The following TNNI3K variants were observed in gnomAD, a reference collection of about 807,000 sequenced individuals.
TNNI3K encodes TNNI3 interacting kinase.
In TNNI3K, 140 loss-of-function variants were observed where a neutral mutation model predicts 114.5. The ratio of observed to expected loss-of-function variants is 1.22; its 90% CI spans 1.07 to 1.41. The LOEUF (loss-of-function observed/expected upper bound fraction) is 1.41. Ranked by LOEUF, TNNI3K falls within the 40% of genes most tolerant of loss-of-function variation. The pLI is 0.00. For synonymous variants in TNNI3K, 347 were observed against 347.5 expected (o/e 1.00, Z 0.02); for missense variants, 1,125 against 1,007.6 (o/e 1.12, Z -1.58).
chr1:74,466,709 T>G (rs1364311003), intron 21 of TNNI3K, among the ~76,000 whole-genome samples: 1 of 152,208 alleles, frequency 6.6e-6, no homozygotes, highest in East Asian at 1.9e-4. Context: ...CTTCTGTATG[T>G]GACTCACTTG....
chr1:74,478,551 T>A (rs1056661929), intron 21 of TNNI3K, among the ~76,000 whole-genome samples: 1 of 152,194 alleles, frequency 6.6e-6, no homozygotes, highest in East Asian at 1.9e-4. Flanking sequence ...ACAAATTCAA[T>A]GAAATCCTCT....
intron 5 of TNNI3K, among the ~76,000 whole-genome samples, chr1:74,327,069 G>T (rs1311193597): frequency 2.1e-5 from 3 of 143,708 alleles, no homozygotes; most frequent in African/African-American, 7.8e-5. Flanking sequence ...GACAGAGCAA[G>T]ACTCCGTGTC....
chr1:74,290,247 C>T (rs1657596660), intron 5 of TNNI3K, among the ~76,000 whole-genome samples: 3 of 150,612 alleles, frequency 2.0e-5, no homozygotes, highest in Admixed American at 2.0e-4. Flanking sequence ...TCTAAGTCCT[C>T]CCTGGAGAAT....
intron 20 of TNNI3K, among the ~76,000 whole-genome samples, chr1:74,443,322 GA>G (rs1666467169): frequency 6.6e-6 from 1 of 152,046 alleles, no homozygotes; most frequent in Non-Finnish European, 1.5e-5. Flanking sequence ...AAATGATAAA[GA>G]GGATATAATT....
chr1:74,452,706 C>A (rs1008776438), intron 20 of TNNI3K, among the ~76,000 whole-genome samples: 3 of 151,938 alleles, frequency 2.0e-5, no homozygotes, highest in Non-Finnish European at 4.4e-5. Context: ...CAGTGTTTTT[C>A]TTTTGCTCTT....
intron 21 of TNNI3K, 36 bp from the exon 22 acceptor site, chr1:74,489,153 T>C: frequency 6.3e-7 from 1 of 1,588,204 alleles, no homozygotes; most frequent in Non-Finnish European, 8.6e-7. Context: ...CTTCCTTTTA[T>C]TCTTAAGGGA....
At chr1:74,424,578 G>A (rs1308680947) in intron 17 of TNNI3K, among the ~76,000 whole-genome samples, 2 of 150,916 alleles carry the variant, frequency 1.3e-5, no homozygotes, top group Non-Finnish European at 2.9e-5. Context: ...AATTAACCAG[G>A]CATGGTGGCA....
intron 2 of TNNI3K, among the ~76,000 whole-genome samples, chr1:74,248,213 AC>A (rs1188603252): frequency 6.6e-6 from 1 of 152,032 alleles, no homozygotes; most frequent in East Asian, 1.9e-4. Flanking sequence ...TGTAGGACCC[AC>A]TAAGCCCACG....
intron 17 of TNNI3K, among the ~76,000 whole-genome samples, chr1:74,382,164 A>C (rs188151806): frequency 6.6e-6 from 1 of 152,156 alleles, no homozygotes; most frequent in Non-Finnish European, 1.5e-5. Flanking sequence ...TCATCCTATC[A>C]CACCTTTTTG....
At chr1:74,477,172 T>C (rs61140856) in intron 21 of TNNI3K, among the ~76,000 whole-genome samples, 11,358 of 152,176 alleles carry the variant, frequency 0.075, 1,005 homozygotes, top group African/African-American at 0.22. Context: ...AAAGAATATA[T>C]TAAAAAATTA....
At chr1:74,342,237 A>G (rs1410755237) in intron 7 of TNNI3K, among the ~76,000 whole-genome samples, 3 of 152,320 alleles carry the variant, frequency 2.0e-5, no homozygotes, top group African/African-American at 7.2e-5. Flanking sequence ...CTACTACTGA[A>G]TGAAGAATTG....
At chr1:74,389,115 G>T (rs1439878335) in intron 17 of TNNI3K, among the ~76,000 whole-genome samples, 1 of 152,224 alleles carries the variant, frequency 6.6e-6, no homozygotes, top group Non-Finnish European at 1.5e-5. Flanking sequence ...ATGGAGAGTG[G>T]CTTAGTACAG....
chr1:74,401,322 T>C (rs28681194), intron 17 of TNNI3K, among the ~76,000 whole-genome samples: 15 of 152,188 alleles, frequency 9.9e-5, no homozygotes, highest in Non-Finnish European at 1.6e-4. Context: ...GCATTCACAG[T>C]GGGAAGAAAA....
chr1:74,237,397 A>G (rs1653923214), intron 2 of TNNI3K, among the ~76,000 whole-genome samples: 1 of 152,034 alleles, frequency 6.6e-6, no homozygotes, highest in Non-Finnish European at 1.5e-5. Flanking sequence ...GAATATAGAA[A>G]TTAATCATAA....
intron 5 of TNNI3K, among the ~76,000 whole-genome samples, chr1:74,302,787 T>C (rs1007992642): frequency 2.0e-5 from 3 of 152,342 alleles, no homozygotes; most frequent in Middle Eastern, 3.4e-3. Flanking sequence ...GGAAAGAAGC[T>C]ATTTCCATAA....
At chr1:74,497,783 A>T (rs1436175371) in intron 23 of TNNI3K, among the ~76,000 whole-genome samples, 1 of 152,176 alleles carries the variant, frequency 6.6e-6, no homozygotes, top group Middle Eastern at 3.2e-3. Context: ...AATTCTAATT[A>T]TATTATTTGC....
chr1:74,270,283 C>T (rs1399036669), intron 4 of TNNI3K, among the ~76,000 whole-genome samples: 2 of 151,180 alleles, frequency 1.3e-5, no homozygotes, highest in African/African-American at 4.9e-5. Flanking sequence ...AATGAGACTG[C>T]AACTGTCAAC....
rs1205906347 is a variant in TNNI3K at position 74,250,751 on chromosome 1, G to A, written c.315G>A (p.Leu105=). Residue 105 remains leucine, a synonymous_variant, in exon 4 of 25, where the codon TTG becomes TTA. Transcript: ENST00000326637. ...TGACAAGAAATGGATTTACAGCCTTGCATTTAGCAGTTTACAAGGTAGGAC... is the reference window on the plus strand; with the variant it reads ...TGACAAGAAATGGATTTACAGCCTTACATTTAGCAGTTTACAAGGTAGGAC... The part of the protein sequence containing the change: ...SRLTRNGFTA[L]HLAVYKDNAE... The A allele has an allele frequency of 6.2e-7, 1 of 1,611,712 alleles. No homozygotes were observed. The highest frequency in any genetic ancestry group is 8.5e-7 in the Non-Finnish European group (1 of 1,179,136).
At chr1:74,338,967 G>A (rs1319353969) in intron 7 of TNNI3K, among the ~76,000 whole-genome samples, 5 of 152,024 alleles carry the variant, frequency 3.3e-5, no homozygotes, top group Non-Finnish European at 5.9e-5. Context: ...CTGTGTGAAC[G>A]ACTAAACACA....
Sources: gnomAD v4.1 joint callset for allele counts (sites outside exome capture counted in the v4.1 genomes callset) on GRCh38, gnomAD v4.1.1 for gene constraint, MANE v1.5 for transcripts, NCBI Gene and HGNC (gene_info 2026-07-23, HGNC 2026-07-21) for gene names.